Variants in ZNF407 observed in about 807,000 individuals in gnomAD.
ZNF407 encodes zinc finger protein 407.
In ZNF407, 17 loss-of-function variants were observed where a neutral mutation model predicts 131.2. The observed-to-expected ratio is 0.13, with a 90% confidence interval of 0.09 to 0.19. The LOEUF (loss-of-function observed/expected upper bound fraction) is 0.19, where lower values mean the gene tolerates loss of function less well. Ranked by LOEUF, ZNF407 falls within the 10% of genes least tolerant of loss-of-function variation. The probability of loss-of-function intolerance (pLI) is 1.00; values close to 1 mark genes in which losing one functional copy is unlikely to be tolerated. For synonymous variants in ZNF407, 1,156 were observed against 1,062.0 expected (o/e 1.09, Z -1.72); for missense variants, 2,681 against 2,830.6 (o/e 0.95, Z 1.20).
intron 3 of ZNF407, among the ~76,000 whole-genome samples, chr18:74,697,196 T>C (rs1967380263): frequency 1.3e-5 from 2 of 152,154 alleles, no homozygotes; most frequent in South Asian, 4.1e-4. Context: ...CTCATCAACC[T>C]TCTTGATTCT....
chr18:74,640,266 T>A (rs1428687644), intron 2 of ZNF407, among the ~76,000 whole-genome samples: 1 of 152,120 alleles, frequency 6.6e-6, no homozygotes, highest in Non-Finnish European at 1.5e-5. Flanking sequence ...TATTTTCTCA[T>A]TTTTGAGTAT....
chr18:74,850,933 T>C lies in ZNF407; in HGVS notation c.4878-26264T>C, dbSNP rs1330855442. On this transcript the variant is annotated intron_variant, in intron 4 of 8. Transcript: ENST00000299687. ...AACTGCATTAGGCTCTCAATAAAGATTTCTTAAATGAATGAGTGATTAGAA... is the reference window on the plus strand; with the variant it reads ...AACTGCATTAGGCTCTCAATAAAGACTTCTTAAATGAATGAGTGATTAGAA... 2.6e-5 allele frequency among the ~76,000 whole-genome samples: 4 copies of C among 152,288 alleles called. No homozygotes were observed. In the East Asian group the frequency reaches 7.7e-4, roughly 29 times the overall value.
chr18:75,024,681 T>G (rs1170062105), intron 8 of ZNF407, among the ~76,000 whole-genome samples: 1 of 152,254 alleles, frequency 6.6e-6, no homozygotes, highest in East Asian at 1.9e-4. Context: ...GGCAGATGTT[T>G]GCAAATCTTG....
At chr18:74,757,432 T>A (rs569232648) in intron 3 of ZNF407, among the ~76,000 whole-genome samples, 1 of 152,118 alleles carries the variant, frequency 6.6e-6, no homozygotes, top group Non-Finnish European at 1.5e-5. Context: ...GTATGTTTCA[T>A]TAACACATAT....
chr18:74,723,370 G>C (rs1968084345), intron 3 of ZNF407, among the ~76,000 whole-genome samples: 1 of 152,044 alleles, frequency 6.6e-6, no homozygotes, highest in South Asian at 2.1e-4. Context: ...TGCATCTTGA[G>C]CATTATGAAT....
At chr18:74,662,194 C>T (rs532651496) in intron 3 of ZNF407, among the ~76,000 whole-genome samples, 2 of 152,158 alleles carry the variant, frequency 1.3e-5, no homozygotes, top group African/African-American at 4.8e-5. Context: ...TTCTCACATA[C>T]GATTTTGTTG....
At chr18:74,623,074 G>T (rs963937024) in intron 1 of ZNF407, among the ~76,000 whole-genome samples, 6 of 151,762 alleles carry the variant, frequency 4.0e-5, no homozygotes, top group Admixed American at 1.3e-4. Flanking sequence ...AGATATGTGT[G>T]TATCTGTATC....
intron 8 of ZNF407, among the ~76,000 whole-genome samples, chr18:75,053,531 T>G (rs1347259293): frequency 6.6e-6 from 1 of 152,182 alleles, no homozygotes; most frequent in African/African-American, 2.4e-5. Flanking sequence ...TCATGCCTCA[T>G]AGTTTGTCTT....
intron 8 of ZNF407, among the ~76,000 whole-genome samples, chr18:74,960,611 T>C (rs866189547): frequency 0.041 from 1,209 of 29,584 alleles, no homozygotes; most frequent in African/African-American, 0.06. Flanking sequence ...GGAGAAGGTC[T>C]TGAGTCAGTG....
Position 74,631,297 on chromosome 18 carries a change from G to A in ZNF407, c.278G>A (p.Arg93Lys). Residue 93 changes from arginine to lysine, a missense_variant, in exon 2 of 9, where the codon AGA (arginine) becomes AAA (lysine). This residue lies in a region of ZNF407 where 1,789 missense variants were observed against 1,748.7 expected (regional missense o/e 1.02). Coordinates refer to ENST00000299687, the MANE Select transcript of ZNF407 (RefSeq NM_017757.3). ...AAATCTGGAAAGCAAGGTATTTGTA[G>A]ATTAGAAACTTCTGAGAGCTCAGTC... The part of the protein sequence containing the change: ...PLKSGKQGIC[R>K]LETSESSVTE... 6.2e-7 allele frequency: 1 copy of A among 1,613,988 alleles called. No homozygotes were observed. Among genetic ancestry groups the A allele is most frequent in the Non-Finnish European group, 8.5e-7 (1 of 1,179,892 alleles).
At chr18:74,891,651 A>T (rs768804009) in intron 7 of ZNF407, among the ~76,000 whole-genome samples, 3 of 152,208 alleles carry the variant, frequency 2.0e-5, no homozygotes, top group Non-Finnish European at 4.4e-5. Context: ...ATCTAATTAG[A>T]GGTAGACATA....
intron 8 of ZNF407, among the ~76,000 whole-genome samples, chr18:74,929,312 A>G (rs999230534): frequency 6.6e-6 from 1 of 152,010 alleles, no homozygotes; most frequent in South Asian, 2.1e-4. Flanking sequence ...CTCTTACCTC[A>G]TGGCAGGCAG....
chr18:74,744,842 A>G (rs1968631179), intron 3 of ZNF407, among the ~76,000 whole-genome samples: 1 of 151,810 alleles, frequency 6.6e-6, no homozygotes, highest in South Asian at 2.1e-4. Context: ...GCTGAATAAT[A>G]TCATTATTTC....
intron 4 of ZNF407, 44 bp downstream of exon 4, chr18:74,781,546 T>C: frequency 1.4e-6 from 2 of 1,416,516 alleles, no homozygotes; most frequent in South Asian, 1.4e-5. Context: ...ACAATTTGAT[T>C]TTTATTTTAG....
chr18:74,950,388 T>G (rs958691890), intron 8 of ZNF407, among the ~76,000 whole-genome samples: 4 of 152,176 alleles, frequency 2.6e-5, no homozygotes, highest in African/African-American at 9.7e-5. Context: ...CTCAATGAAT[T>G]GTGGCTCTTG....
At chr18:74,909,548 G>A (rs1410546825) in intron 7 of ZNF407, among the ~76,000 whole-genome samples, 2 of 152,050 alleles carry the variant, frequency 1.3e-5, no homozygotes, top group Non-Finnish European at 2.9e-5. Flanking sequence ...AATTTAGATT[G>A]TGGTTTTTTT....
intron 4 of ZNF407, among the ~76,000 whole-genome samples, chr18:74,875,634 G>A (rs895278181): frequency 8.5e-5 from 13 of 152,200 alleles, no homozygotes; most frequent in African/African-American, 3.1e-4. Flanking sequence ...ATGAAGACCC[G>A]TCAAAGAGAT....
chr18:74,668,580 C>G (rs1318506301), intron 3 of ZNF407, among the ~76,000 whole-genome samples: 1 of 152,134 alleles, frequency 6.6e-6, no homozygotes, highest in African/African-American at 2.4e-5. Context: ...GACCGTTTTT[C>G]TTACTGCTCC....
chr18:74,825,153 A>G (rs557563192), intron 4 of ZNF407, among the ~76,000 whole-genome samples: 28 of 152,346 alleles, frequency 1.8e-4, no homozygotes, highest in Admixed American at 3.3e-4. Flanking sequence ...CTGTGACACA[A>G]TGCAGCACCC....
Sources: allele counts gnomAD v4.1 joint callset (sites outside exome capture counted in the v4.1 genomes callset), GRCh38; gene constraint gnomAD v4.1.1; regional missense constraint gnomAD v4.1.1; transcripts MANE v1.5; gene names NCBI Gene and HGNC (gene_info 2026-07-23, HGNC 2026-07-21).